Variants in CEP112 observed in about 807,000 individuals in gnomAD.
CEP112 encodes the protein centrosomal protein of 112 kDa.
A neutral mutation model predicts 153.0 loss-of-function variants in CEP112; 127 were observed. The ratio of observed to expected loss-of-function variants is 0.83; its 90% CI spans 0.72 to 0.96. The LOEUF (loss-of-function observed/expected upper bound fraction) is 0.96. CEP112 is among the 40% of genes least tolerant of loss of function. CEP112 has a pLI of 0.00. For synonymous variants in CEP112, 358 were observed against 374.4 expected, an observed-to-expected ratio of 0.96 and a Z score of 0.51; for missense variants, 1,089 against 1,101.2, an observed-to-expected ratio of 0.99 and a Z score of 0.16.
At chr17:66,061,746 T>C (rs1268720283) in intron 11 of CEP112, among the ~76,000 whole-genome samples, 1 of 151,762 alleles carries the variant, frequency 6.6e-6, no homozygotes, top group Admixed American at 6.6e-5. Context: ...GTTGAGCTCA[T>C]AGAAGTAGAG....
chr17:65,942,420 C>T (rs2061533337), intron 18 of CEP112, among the ~76,000 whole-genome samples: 1 of 151,886 alleles, frequency 6.6e-6, no homozygotes, highest in Admixed American at 6.6e-5. Context: ...CCTTATGTTA[C>T]AAAAAGTTCA....
chr17:66,153,598 G>A lies in CEP112; in HGVS notation c.471-20835C>T, dbSNP rs12103552. On this transcript the variant is annotated intron_variant, in intron 4 of 26. Transcript: ENST00000535342. ...CATAATAAAATATCTCAACATGCAC[G>A]CACACATGCACACATCACATTTATA... Among the ~76,000 whole-genome samples the A allele has an allele frequency of 2.7e-3, 411 of 151,686 alleles. 5 individuals are homozygous for A. The highest frequency in any genetic ancestry group is 9.3e-3 in the African/African-American group (385 of 41,350).
intron 24 of CEP112, among the ~76,000 whole-genome samples, chr17:65,671,701 G>A (rs1222304489): frequency 1.3e-5 from 2 of 152,158 alleles, no homozygotes; most frequent in Non-Finnish European, 2.9e-5. Flanking sequence ...GTATGTGTGT[G>A]TGTATTCCTA....
intron 25 of CEP112, among the ~76,000 whole-genome samples, chr17:65,639,836 C>CTT (rs554226605): frequency 0.013 from 1,423 of 110,930 alleles, 57 homozygotes; most frequent in African/African-American, 0.03. Flanking sequence ...CTCTTTCTTT[C>CTT]TTTTTTTTTT....
In CEP112 at chr17:65,970,649, T is replaced by C. The variant is rs545715250; in HGVS notation, c.1737-9051A>G. On this transcript the variant is annotated intron_variant, in intron 17 of 26. Transcript: ENST00000535342. ...GAAGCATATTACATGCATGCACGCA[T>C]GTATATTACATACATGCATATTACA... Among the ~76,000 whole-genome samples, 4 of 152,134 alleles carry C rather than the reference T, an allele frequency of 2.6e-5. No individual in the cohort carries two copies. The East Asian group carries it at 7.8e-4, about 30-fold the overall frequency.
intron 24 of CEP112, among the ~76,000 whole-genome samples, chr17:65,684,013 C>T (rs575875548): frequency 1.3e-5 from 2 of 152,244 alleles, no homozygotes; most frequent in African/African-American, 4.8e-5. Flanking sequence ...TGCATTCAGC[C>T]TAGGCAACAG....
chr17:65,928,497 T>A (rs865863369), intron 18 of CEP112, among the ~76,000 whole-genome samples: 2 of 151,978 alleles, frequency 1.3e-5, no homozygotes, highest in South Asian at 2.1e-4. Context: ...ATTCATAACA[T>A]CCAAAAAGAG....
intron 24 of CEP112, chr17:65,655,194 T>C (rs1165551214): frequency 1.3e-6 from 1 of 772,336 alleles, no homozygotes; most frequent in Non-Finnish European, 2.4e-6. Flanking sequence ...CAAGTGGCTG[T>C]CTCACTGGCG....
intron 12 of CEP112, among the ~76,000 whole-genome samples, chr17:66,041,516 T>A (rs753385042): frequency 2.6e-5 from 4 of 152,186 alleles, no homozygotes; most frequent in Non-Finnish European, 5.9e-5. Flanking sequence ...CAGGCTAGTA[T>A]ATACTGTATA....
intron 8 of CEP112, among the ~76,000 whole-genome samples, chr17:66,085,191 T>G (rs868706861): frequency 5.3e-5 from 8 of 152,220 alleles, no homozygotes; most frequent in Non-Finnish European, 8.8e-5. Flanking sequence ...TACTGAAATA[T>G]AATTTATATA....
chr17:65,925,706 A>G (rs894751671), intron 19 of CEP112, among the ~76,000 whole-genome samples: 17 of 152,226 alleles, frequency 1.1e-4, no homozygotes, highest in African/African-American at 3.9e-4. Flanking sequence ...GGAGGATTAC[A>G]CCAGGGAGGC....
chr17:65,893,697 A>G (rs2059559272), intron 20 of CEP112, among the ~76,000 whole-genome samples: 1 of 152,156 alleles, frequency 6.6e-6, no homozygotes, highest in Non-Finnish European at 1.5e-5. Context: ...ATATTACAAT[A>G]GTTCGAAAAC....
At chr17:65,880,426 C>G (rs59890716) in intron 20 of CEP112, among the ~76,000 whole-genome samples, 1 of 152,048 alleles carries the variant, frequency 6.6e-6, no homozygotes, top group Non-Finnish European at 1.5e-5. Flanking sequence ...TAAAAACCAA[C>G]AAACATCAAA....
Position 66,097,216 on chromosome 17 carries a change from A to T in CEP112, c.643-584T>A, listed in dbSNP as rs536359703. Among the ~76,000 whole-genome samples the T allele has an allele frequency of 2.8e-3, 431 of 152,318 alleles. 3 individuals are homozygous for T. The highest frequency in any genetic ancestry group is 4.5e-3 in the Non-Finnish European group (303 of 68,032). ...ACCAGACAATTTGTTTTAACTTAAAAGCACTATACTGTCTCCCATGTCTGA... is the reference window on the plus strand; with the variant it reads ...ACCAGACAATTTGTTTTAACTTAAATGCACTATACTGTCTCCCATGTCTGA... On this transcript the variant is annotated intron_variant, in intron 6 of 26. Transcript: ENST00000535342.
At chr17:65,850,006 T>C (rs923367857) in intron 21 of CEP112, among the ~76,000 whole-genome samples, 4 of 151,774 alleles carry the variant, frequency 2.6e-5, no homozygotes, top group Non-Finnish European at 4.4e-5. Flanking sequence ...ATACAAAAAT[T>C]AGCCAGACGT....
chr17:65,764,097 C>A (rs1598502866), intron 21 of CEP112, among the ~76,000 whole-genome samples: 1 of 152,138 alleles, frequency 6.6e-6, no homozygotes, highest in Non-Finnish European at 1.5e-5. Flanking sequence ...ATGGAGGGAT[C>A]TGGACTTGTG....
intron 19 of CEP112, among the ~76,000 whole-genome samples, chr17:65,913,013 G>C (rs1333100264): frequency 6.6e-6 from 1 of 152,162 alleles, no homozygotes; most frequent in Non-Finnish European, 1.5e-5. Flanking sequence ...CTAATATATA[G>C]GTCATTAGAC....
intron 4 of CEP112, among the ~76,000 whole-genome samples, chr17:66,147,221 T>C (rs1045835116): frequency 6.6e-6 from 1 of 152,148 alleles, no homozygotes; most frequent in Non-Finnish European, 1.5e-5. Flanking sequence ...CATCTCATCA[T>C]AGTTTTGATT....
intron 12 of CEP112, among the ~76,000 whole-genome samples, chr17:66,036,331 A>G (rs1309350801): frequency 6.6e-6 from 1 of 152,240 alleles, no homozygotes; most frequent in African/African-American, 2.4e-5. Flanking sequence ...TTGTACCTTA[A>G]AAATGTGTTA....
Sources: allele counts gnomAD v4.1 joint callset (sites outside exome capture counted in the v4.1 genomes callset), GRCh38; gene constraint gnomAD v4.1.1; transcripts MANE v1.5; gene names NCBI Gene and HGNC (gene_info 2026-07-23, HGNC 2026-07-21).